The following ARHGEF3 variants were observed in gnomAD, a reference collection of about 807,000 sequenced individuals.
The protein encoded by ARHGEF3 is 59.8 kDA protein.
A neutral mutation model predicts 63.2 loss-of-function variants in ARHGEF3; 28 were observed. The ratio of observed to expected loss-of-function variants is 0.44; its 90% CI spans 0.33 to 0.61. The LOEUF is 0.61. Among genes scored for constraint, ARHGEF3 ranks in the 20% least tolerant of loss-of-function variants. The probability of loss-of-function intolerance (pLI) is 0.03; values close to 1 mark genes in which losing one functional copy is unlikely to be tolerated. For synonymous variants in ARHGEF3, 266 were observed against 254.2 expected (o/e 1.05, Z -0.44); for missense variants, 533 against 659.3 (o/e 0.81, Z 2.10).
intron 1 of ARHGEF3, among the ~76,000 whole-genome samples, chr3:57,077,577 C>A (rs1706275689): frequency 6.6e-6 from 1 of 152,104 alleles, no homozygotes; most frequent in African/African-American, 2.4e-5. Context: ...ATGGAGGGGG[C>A]AATCTGCTAG....
chr3:56,894,024 C>T (rs543949636), intron 3 of ARHGEF3, among the ~76,000 whole-genome samples: 73 of 152,166 alleles, frequency 4.8e-4, no homozygotes, highest in African/African-American at 1.7e-3. Context: ...CGGCTGACAA[C>T]CCCTGGGCAA....
intron 3 of ARHGEF3, among the ~76,000 whole-genome samples, chr3:56,931,062 A>G (rs1156654331): frequency 1.3e-5 from 2 of 152,216 alleles, no homozygotes; most frequent in African/African-American, 2.4e-5. Context: ...ATGTTTCAAG[A>G]ACAGCAAATC....
chr3:56,906,178 G>A (rs935755390), intron 3 of ARHGEF3, among the ~76,000 whole-genome samples: 28 of 152,010 alleles, frequency 1.8e-4, no homozygotes, highest in Admixed American at 1.4e-3. Flanking sequence ...TGGGAGCCAC[G>A]AGGTACATGT....
Position 57,042,679 on chromosome 3 carries a change from TATATATATATA to T in ARHGEF3, c.-27-7514_-27-7504del, listed in dbSNP as rs1704253141. On this transcript the variant is annotated intron_variant, in intron 1 of 12. Coordinates refer to the ARHGEF3 transcript ENST00000338458. ...ATATATATATATATATATATATATA[TATATATATATA>T]TATATATATATTTTTTTTTTTTTTT... 7.9e-4 allele frequency among the ~76,000 whole-genome samples: 37 copies of T among 46,906 alleles called. 2 individuals are homozygous for T. The South Asian group carries it at 8.1e-3, about 10-fold the overall frequency. The allele number at this position is 46,906 out of a possible 152,430, so 30.8% of individuals were successfully genotyped here.
intron 1 of ARHGEF3, chr3:57,060,369 T>G (rs928405453): frequency 1.3e-5 from 2 of 151,708 alleles, no homozygotes; most frequent in Non-Finnish European, 2.9e-5. Context: ...GTATAGCTGC[T>G]GCTACTCGGG....
chr3:56,922,254 C>A (rs764611004), intron 3 of ARHGEF3, among the ~76,000 whole-genome samples: 1 of 152,106 alleles, frequency 6.6e-6, no homozygotes, highest in Non-Finnish European at 1.5e-5. Context: ...CATAAACACC[C>A]TGGGTGCAGC....
chr3:57,016,839 G>A (rs1033812179), intron 2 of ARHGEF3, among the ~76,000 whole-genome samples: 7 of 151,970 alleles, frequency 4.6e-5, no homozygotes, highest in African/African-American at 7.3e-5. Context: ...GAGTGCAGCT[G>A]GCGGTTATGA....
At chr3:56,796,756 T>G (rs1320311583) in intron 1 of ARHGEF3, among the ~76,000 whole-genome samples, 3 of 152,208 alleles carry the variant, frequency 2.0e-5, no homozygotes, top group Non-Finnish European at 4.4e-5. Flanking sequence ...CAGGGTCAAC[T>G]GGGATTTTAG....
chr3:56,804,488 T>C (rs1044612665), upstream of ARHGEF3, among the ~76,000 whole-genome samples: 27 of 152,326 alleles, frequency 1.8e-4, no homozygotes, highest in African/African-American at 6.3e-4. Flanking sequence ...CTTACTTTCC[T>C]ACCCAGCTAG....
chr3:57,013,097 C>T (rs1026278439), intron 2 of ARHGEF3, among the ~76,000 whole-genome samples: 8 of 152,250 alleles, frequency 5.3e-5, no homozygotes, highest in African/African-American at 1.9e-4. Flanking sequence ...CCTCAGCTGC[C>T]TCCCCGCTGG....
intron 2 of ARHGEF3, among the ~76,000 whole-genome samples, chr3:56,979,458 T>G (rs1287204539): frequency 6.6e-6 from 1 of 152,134 alleles, no homozygotes; most frequent in African/African-American, 2.4e-5. Flanking sequence ...CTCTTCAAAA[T>G]CCTCTTCCCC....
chr3:56,987,497 G>T (rs1442798105), intron 2 of ARHGEF3, among the ~76,000 whole-genome samples: 1 of 152,174 alleles, frequency 6.6e-6, no homozygotes, highest in Admixed American at 6.5e-5. Context: ...CAGGCAGGAG[G>T]GAAGGAGCTG....
chr3:57,018,011 G>T (rs1703092636), intron 2 of ARHGEF3, among the ~76,000 whole-genome samples: 1 of 152,218 alleles, frequency 6.6e-6, no homozygotes, highest in Non-Finnish European at 1.5e-5. Context: ...CAGGTGCAGT[G>T]GCTCACGCTG....
At chr3:56,783,892 A>G (rs928550304) in intron 1 of ARHGEF3, among the ~76,000 whole-genome samples, 2 of 152,218 alleles carry the variant, frequency 1.3e-5, no homozygotes, top group African/African-American at 2.4e-5. Context: ...CATCTAATAA[A>G]CAGCCCTAAA....
At chr3:56,969,752 C>CAA (rs138504813) in intron 2 of ARHGEF3, among the ~76,000 whole-genome samples, 48,599 of 134,130 alleles carry the variant, frequency 0.36, 10,644 homozygotes, top group Non-Finnish European at 0.47. Context: ...GACTCCGTAT[C>CAA]AAAAAAAAAA....
At chr3:56,866,341 A>G (rs748420515) in intron 4 of ARHGEF3, among the ~76,000 whole-genome samples, 2 of 152,204 alleles carry the variant, frequency 1.3e-5, no homozygotes, top group Non-Finnish European at 2.9e-5. Context: ...ACCTTTTCCG[A>G]GTAAAACAAG....
intron 4 of ARHGEF3, among the ~76,000 whole-genome samples, chr3:56,838,899 G>A (rs779944670): frequency 1.3e-5 from 2 of 152,126 alleles, no homozygotes; most frequent in African/African-American, 4.8e-5. Context: ...GGAGAACAAG[G>A]TGGGAGGATC....
chr3:56,831,769 C>A (rs112933852), intron 4 of ARHGEF3, among the ~76,000 whole-genome samples: 15,357 of 152,284 alleles, frequency 0.1, 938 homozygotes, highest in South Asian at 0.18. Context: ...TAAGAAAGGT[C>A]AAGGTCTTCT....
At chr3:56,851,974 G>T (rs2039691032) in intron 4 of ARHGEF3, among the ~76,000 whole-genome samples, 1 of 152,072 alleles carries the variant, frequency 6.6e-6, no homozygotes, top group Admixed American at 6.5e-5. Flanking sequence ...ATCATGTCTG[G>T]GTAAGAAAAT....
Sources: allele counts gnomAD v4.1 joint callset (sites outside exome capture counted in the v4.1 genomes callset), GRCh38; gene constraint gnomAD v4.1.1; transcripts MANE v1.5; gene names NCBI Gene and HGNC (gene_info 2026-07-23, HGNC 2026-07-21).